Variants in NYAP2 observed in about 807,000 individuals in gnomAD.
NYAP2 encodes the protein neuronal tyrosine-phosphorylated phosphoinositide-3-kinase adapter 2.
A neutral mutation model predicts 50.4 loss-of-function variants in NYAP2; 23 were observed. The observed-to-expected ratio is 0.46, with a 90% confidence interval of 0.33 to 0.65. The LOEUF (loss-of-function observed/expected upper bound fraction) is 0.65, where lower values mean the gene tolerates loss of function less well. Among genes scored for constraint, NYAP2 ranks in the 30% least tolerant of loss-of-function variants. The pLI is 0.02. For synonymous variants in NYAP2, 394 were observed against 365.2 expected, an observed-to-expected ratio of 1.08 and a Z score of -0.90; for missense variants, 885 against 861.0, an observed-to-expected ratio of 1.03 and a Z score of -0.35.
chr2:225,401,835 A>AT (rs750207909), intron 2 of NYAP2, among the ~76,000 whole-genome samples: 54 of 151,584 alleles, frequency 3.6e-4, no homozygotes, highest in South Asian at 8.3e-4. Flanking sequence ...ATAGAATTGG[A>AT]TTTTTTTTTC....
chr2:225,642,773 A>G (rs1294188470), intron 6 of NYAP2, among the ~76,000 whole-genome samples: 1 of 152,210 alleles, frequency 6.6e-6, no homozygotes, highest in Non-Finnish European at 1.5e-5. Flanking sequence ...CTCTGAAGAA[A>G]AATCAAATTA....
chr2:225,480,858 T>A (rs999305042), intron 3 of NYAP2, among the ~76,000 whole-genome samples: 11 of 152,170 alleles, frequency 7.2e-5, no homozygotes, highest in Admixed American at 3.9e-4. Context: ...TGCTATACTT[T>A]AGTCCAACAA....
chr2:225,532,977 C>G (rs540410080), intron 4 of NYAP2, among the ~76,000 whole-genome samples: 1 of 152,048 alleles, frequency 6.6e-6, no homozygotes, highest in Admixed American at 6.6e-5. Flanking sequence ...AGATTCTCTC[C>G]CTTAAAAGTC....
chr2:225,463,931 T>C (rs1689875409), intron 3 of NYAP2, among the ~76,000 whole-genome samples: 1 of 152,164 alleles, frequency 6.6e-6, no homozygotes, highest in African/African-American at 2.4e-5. Context: ...GTGGGATCCT[T>C]AGAGCAGTTG....
intron 4 of NYAP2, 26 bp from the exon 5 acceptor site, chr2:225,581,915 T>C: frequency 6.3e-7 from 1 of 1,576,038 alleles, no homozygotes; most frequent in Non-Finnish European, 8.6e-7. Flanking sequence ...TACTCATCTA[T>C]TCCACTACGT....
chr2:225,547,359 G>C (rs1691603506), intron 4 of NYAP2, among the ~76,000 whole-genome samples: 1 of 152,166 alleles, frequency 6.6e-6, no homozygotes. Context: ...AAATCCACTG[G>C]CTTTGAGCCC....
At chr2:225,614,093 A>C (rs933058028) in intron 5 of NYAP2, among the ~76,000 whole-genome samples, 1 of 152,168 alleles carries the variant, frequency 6.6e-6, no homozygotes, top group African/African-American at 2.4e-5. Flanking sequence ...GCTCAGTAAG[A>C]GTTGTTTCCT....
the NYAP2 span, among the ~76,000 whole-genome samples, chr2:225,659,202 TC>T: frequency 2.1e-4 from 32 of 152,296 alleles, no homozygotes; most frequent in African/African-American, 7.7e-4. Flanking sequence ...CCTGTGTGTG[TC>T]CCTCTCTTCA....
At chr2:225,401,000 CTTCTGG>C (rs945240369) in exon 2 of NYAP2, 1 of 57,218 alleles carries the variant, frequency 1.7e-5, no homozygotes, top group African/African-American at 6.4e-5. Context: ...CACAAGTCAC[CTTCTGG>C]TTATTGCACT....
chr2:225,697,570 T>C, the NYAP2 span, among the ~76,000 whole-genome samples: 11 of 152,054 alleles, frequency 7.2e-5, no homozygotes, highest in Admixed American at 7.2e-4. Flanking sequence ...TAAAAAAACA[T>C]TCATTCAAAT....
At chr2:225,459,073 A>G (rs1283045115) in intron 3 of NYAP2, among the ~76,000 whole-genome samples, 3 of 152,222 alleles carry the variant, frequency 2.0e-5, no homozygotes, top group Non-Finnish European at 4.4e-5. Flanking sequence ...GCAAAGAGTG[A>G]GAAATATTCA....
At chr2:225,567,987 G>A (rs2106219903) in intron 4 of NYAP2, among the ~76,000 whole-genome samples, 1 of 152,270 alleles carries the variant, frequency 6.6e-6, no homozygotes, top group East Asian at 1.9e-4. Context: ...GGAAGGATGA[G>A]AGTTATGAAG....
intron 4 of NYAP2, among the ~76,000 whole-genome samples, chr2:225,580,806 G>T (rs1389423017): frequency 5.3e-5 from 8 of 150,656 alleles, no homozygotes; most frequent in Admixed American, 4.6e-4. Context: ...CCCGATTTGT[G>T]CCTTGAGACC....
intron 4 of NYAP2, among the ~76,000 whole-genome samples, chr2:225,524,918 G>A (rs1010701667): frequency 6.6e-6 from 1 of 152,094 alleles, no homozygotes; most frequent in Non-Finnish European, 1.5e-5. Flanking sequence ...TACAAAGTAG[G>A]CAAAGGACAT....
chr2:225,688,865 C>A, the NYAP2 span, among the ~76,000 whole-genome samples: 1 of 152,176 alleles, frequency 6.6e-6, no homozygotes, highest in Non-Finnish European at 1.5e-5. Flanking sequence ...GCCTCAGCCT[C>A]CCGAGTAGCC....
At chr2:225,516,839 A>G (rs187241870) in intron 4 of NYAP2, among the ~76,000 whole-genome samples, 1 of 152,336 alleles carries the variant, frequency 6.6e-6, no homozygotes, top group Admixed American at 6.5e-5. Flanking sequence ...AGCTATCAAC[A>G]GTATAACAAA....
chr2:225,691,497 G>A, the NYAP2 span, among the ~76,000 whole-genome samples: 42 of 152,182 alleles, frequency 2.8e-4, 1 homozygote, highest in South Asian at 8.1e-3. Flanking sequence ...GTAGTTTGCC[G>A]ACCCCTATCC....
At chr2:225,441,041 C>G (rs1447403440) in intron 3 of NYAP2, among the ~76,000 whole-genome samples, 7 of 152,156 alleles carry the variant, frequency 4.6e-5, no homozygotes, top group African/African-American at 1.7e-4. Flanking sequence ...AACCATAACT[C>G]TTTTCTGATG....
intron 3 of NYAP2, among the ~76,000 whole-genome samples, chr2:225,462,336 C>A (rs919729069): frequency 1.3e-5 from 2 of 152,060 alleles, no homozygotes; most frequent in African/African-American, 4.8e-5. Flanking sequence ...CATTTCTTTT[C>A]TTTCATTTTG....
Sources: gnomAD v4.1 joint callset for allele counts (sites outside exome capture counted in the v4.1 genomes callset) on GRCh38, gnomAD v4.1.1 for gene constraint, MANE v1.5 for transcripts, NCBI Gene and HGNC (gene_info 2026-07-23, HGNC 2026-07-21) for gene names.